The following SEMA3E variants were observed in gnomAD, a reference collection of about 807,000 sequenced individuals.
SEMA3E encodes semaphorin 3E, also known as semaphorin-3E.
Under a neutral mutation model 93.6 loss-of-function variants are expected in SEMA3E, and 49 were observed. The ratio of observed to expected loss-of-function variants is 0.52; its 90% CI spans 0.42 to 0.66. The LOEUF (loss-of-function observed/expected upper bound fraction) is 0.66. SEMA3E is among the 30% of genes least tolerant of loss of function. The pLI is 0.00. For missense variants in SEMA3E, 906 were observed against 964.8 expected, an observed-to-expected ratio of 0.94 and a Z score of 0.81; for synonymous variants, 363 against 330.7, an observed-to-expected ratio of 1.10 and a Z score of -1.06.
intron 1 of SEMA3E, among the ~76,000 whole-genome samples, chr7:83,629,006 C>G (rs1793730260): frequency 6.6e-6 from 1 of 152,180 alleles, no homozygotes; most frequent in East Asian, 2.0e-4. Context: ...GATGCTATTG[C>G]TTCCTGCTTG....
intron 1 of SEMA3E, among the ~76,000 whole-genome samples, chr7:83,598,345 A>C (rs543484094): frequency 6.6e-6 from 1 of 152,326 alleles, no homozygotes; most frequent in South Asian, 2.1e-4. Flanking sequence ...GAGATCCTTT[A>C]AAAGACTCTA....
chr7:83,569,511 C>G (rs1241120679), intron 1 of SEMA3E, among the ~76,000 whole-genome samples: 1 of 151,948 alleles, frequency 6.6e-6, no homozygotes, highest in Admixed American at 6.6e-5. Flanking sequence ...GTAACAATAC[C>G]CACAAGCTCA....
chr7:83,463,481 C>G (rs1383260768), intron 4 of SEMA3E, among the ~76,000 whole-genome samples: 1 of 151,968 alleles, frequency 6.6e-6, no homozygotes, highest in African/African-American at 2.4e-5. Flanking sequence ...TTGAGTCTCC[C>G]ACAATTACCG....
At position 83,417,012 on chromosome 7, in the gene SEMA3E, CACAGGG is replaced by C. The variant is rs1226861023; in HGVS notation, c.550+1372_550+1377del. On this transcript the variant is annotated intron_variant, in intron 5 of 16. Transcript: ENST00000643230. Reference sequence around the variant, plus strand: ...ACACACACACACACACACACACACACACAGGGAGAGAGAGAGAGAGAGAGAATTGGT... The same window carrying C: ...ACACACACACACACACACACACACACAGAGAGAGAGAGAGAGAGAATTGGT... Among the ~76,000 whole-genome samples, 47 of 62,744 alleles carry C rather than the reference CACAGGG, an allele frequency of 7.5e-4. No individual in the cohort carries two copies. In the East Asian group the frequency reaches 0.015, roughly 20 times the overall value. The allele number at this position is 62,744 out of a possible 152,430, so 41.2% of individuals were successfully genotyped here. A position where few individuals can be genotyped will look rare whatever the true frequency, so the allele number is the denominator to read the frequency against.
intron 1 of SEMA3E, among the ~76,000 whole-genome samples, chr7:83,504,221 G>C (rs939940578): frequency 6.6e-6 from 1 of 152,080 alleles, no homozygotes; most frequent in South Asian, 2.1e-4. Flanking sequence ...TAAAATGATA[G>C]AATAATAACT....
chr7:83,581,535 C>A (rs215298), intron 1 of SEMA3E, among the ~76,000 whole-genome samples: 64,624 of 151,762 alleles, frequency 0.43, 14,813 homozygotes, highest in African/African-American at 0.6. Flanking sequence ...GCATTTTAAA[C>A]AGTGTACATT....
chr7:83,479,444 A>G (rs374368717), intron 2 of SEMA3E, among the ~76,000 whole-genome samples: 2 of 152,160 alleles, frequency 1.3e-5, no homozygotes, highest in East Asian at 1.9e-4. Context: ...TGCTTACTTC[A>G]TATCCCCATA....
At chr7:83,486,016 C>T (rs966568097) in intron 2 of SEMA3E, among the ~76,000 whole-genome samples, 5 of 151,936 alleles carry the variant, frequency 3.3e-5, no homozygotes, top group African/African-American at 9.7e-5. Flanking sequence ...GATGTATCAC[C>T]GGGTAGATCC....
At chr7:83,387,987 T>A (rs945795301) in intron 14 of SEMA3E, among the ~76,000 whole-genome samples, 5 of 146,532 alleles carry the variant, frequency 3.4e-5, no homozygotes, top group Non-Finnish European at 6.0e-5. Context: ...AATATATATA[T>A]TATGTATATA....
chr7:83,396,984 AG>A (rs1788135807), intron 11 of SEMA3E, among the ~76,000 whole-genome samples: 1 of 151,616 alleles, frequency 6.6e-6, no homozygotes, highest in Admixed American at 6.6e-5. Flanking sequence ...TGGGAGGCTG[AG>A]GAAGGAGAAT....
At chr7:83,511,555 G>A (rs1268037145) in intron 1 of SEMA3E, among the ~76,000 whole-genome samples, 2 of 152,114 alleles carry the variant, frequency 1.3e-5, no homozygotes, top group African/African-American at 4.8e-5. Context: ...TGGAGTCATA[G>A]TGAAGGTTCC....
At chr7:83,566,319 C>T (rs1020612354) in intron 1 of SEMA3E, among the ~76,000 whole-genome samples, 7 of 151,944 alleles carry the variant, frequency 4.6e-5, no homozygotes, top group African/African-American at 1.7e-4. Flanking sequence ...TGTTTCCATT[C>T]TTTTGCACTA....
intron 4 of SEMA3E, among the ~76,000 whole-genome samples, chr7:83,427,752 A>G (rs967584893): frequency 9.2e-5 from 14 of 152,184 alleles, no homozygotes; most frequent in African/African-American, 3.4e-4. Context: ...CAGCAACCAA[A>G]TCAACCAGAA....
chr7:83,426,001 T>C (rs1788761949), intron 4 of SEMA3E, among the ~76,000 whole-genome samples: 1 of 151,924 alleles, frequency 6.6e-6, no homozygotes, highest in Admixed American at 6.6e-5. Context: ...ATCAGAGAAA[T>C]GCAAATCAAA....
At chr7:83,396,850 G>A (rs1465579824) in intron 11 of SEMA3E, 121 bp from the exon 12 acceptor site, 12 of 664,176 alleles carry the variant, frequency 1.8e-5, no homozygotes, top group Non-Finnish European at 3.3e-5. Flanking sequence ...AGGCCAAGAT[G>A]GGTGTATCTC....
intron 1 of SEMA3E, among the ~76,000 whole-genome samples, chr7:83,641,743 G>A (rs1244178369): frequency 1.3e-5 from 2 of 152,066 alleles, no homozygotes; most frequent in African/African-American, 4.8e-5. Context: ...TTCATCTTAA[G>A]TTGTAATTTA....
intron 4 of SEMA3E, among the ~76,000 whole-genome samples, chr7:83,438,047 A>G (rs1279476182): frequency 1.3e-5 from 2 of 152,172 alleles, no homozygotes; most frequent in African/African-American, 4.8e-5. Flanking sequence ...ATTATAATTA[A>G]ATATCGAGTT....
intron 3 of SEMA3E, 107 bp from the exon 4 acceptor site, chr7:83,466,708 T>C: frequency 1.4e-6 from 2 of 1,414,128 alleles, no homozygotes; most frequent in Non-Finnish European, 2.0e-6. Flanking sequence ...TTACCGTAAA[T>C]CTCTGTTGGG....
At chr7:83,369,408 A>G (rs1224564264) in intron 16 of SEMA3E, among the ~76,000 whole-genome samples, 1 of 152,210 alleles carries the variant, frequency 6.6e-6, no homozygotes, top group East Asian at 1.9e-4. Context: ...TTTGTGGAAC[A>G]GATGGCAAAA....
Sources: gnomAD v4.1 joint callset for allele counts (sites outside exome capture counted in the v4.1 genomes callset) on GRCh38, gnomAD v4.1.1 for gene constraint, MANE v1.5 for transcripts, NCBI Gene and HGNC (gene_info 2026-07-23, HGNC 2026-07-21) for gene names.